SCAF1: variants seen among roughly 807,000 people sequenced by gnomAD.
The protein encoded by SCAF1 is SR-related CTD associated factor 1, also known as splicing factor, arginine/serine-rich 19.
A neutral mutation model predicts 91.2 loss-of-function variants in SCAF1; 28 were observed. The ratio of observed to expected loss-of-function variants is 0.31; its 90% confidence interval spans 0.23 to 0.42. The LOEUF is 0.42. Among genes scored for constraint, SCAF1 ranks in the 10% least tolerant of loss-of-function variants. The pLI is 1.00. For missense variants in SCAF1, 1,893 were observed against 1,872.1 expected (o/e 1.01, Z -0.21); for synonymous variants, 1,036 against 833.7 (o/e 1.24, Z -4.18).
upstream of SCAF1, among the ~76,000 whole-genome samples, chr19:49,640,946 T>C (rs2122434505): frequency 6.6e-6 from 1 of 152,236 alleles, no homozygotes; most frequent in Non-Finnish European, 1.5e-5. Flanking sequence ...AGATGTGGAC[T>C]CCTGGGTCCT....
Position 49,646,384 on chromosome 19 carries a change from A to G in SCAF1, c.262-142A>G. ...GGCCTGAGCTTTGAGTGTTGATGGC[A>G]GTCAGGCTATAGGAATTAGATCCTC... On this transcript the variant is annotated intron_variant, in intron 4 of 10. Transcript: ENST00000360565. This position sits in a 1 kb window ranked among gnomAD's most constrained non-coding sequence, Gnocchi z 5.6. 1 of 844,338 alleles carries G rather than the reference A, an allele frequency of 1.2e-6. No homozygotes were observed. Among genetic ancestry groups the G allele is most frequent in the Non-Finnish European group, 1.9e-6 (1 of 530,022 alleles). The allele number at this position is 844,338 out of a possible 1,614,324, so 52.3% of individuals were successfully genotyped here. A position where few individuals can be genotyped will look rare whatever the true frequency, so the allele number is the denominator to read the frequency against.
chr19:49,656,732 A>G (rs1254197781), intron 9 of SCAF1, among the ~76,000 whole-genome samples: 1 of 151,818 alleles, frequency 6.6e-6, no homozygotes, highest in Non-Finnish European at 1.5e-5. Context: ...TTTTCATCCC[A>G]TGGCCATCCC....
chr19:49,646,617 G>A lies in SCAF1; in HGVS notation c.353G>A (p.Arg118Gln), dbSNP rs767842011. 4.3e-6 allele frequency: 7 copies of A among 1,614,104 alleles called. No individual in the cohort carries two copies. Among genetic ancestry groups the A allele is most frequent in the East Asian group, 2.2e-5 (1 of 44,880 alleles). The change falls in exon 5 of 11, where the codon CGG becomes CAG. Residue 118 changes from arginine to glutamine, a missense_variant. Arg to Gln is a conservative substitution (Grantham distance 43). Around this residue, in one of 5 missense-constraint regions of SCAF1, gnomAD observed 270 missense variants for 292.5 expected, o/e 0.92. Coordinates refer to ENST00000360565, the MANE Select transcript of SCAF1 (RefSeq NM_021228.3). This position sits in a 1 kb window ranked among gnomAD's most constrained non-coding sequence, Gnocchi z 5.6. ...DTWVPSRLDL[R>Q]PGESEDMLEL... ...TGGGTTCCCAGCCGCCTGGACCTGC[G>A]GCCTGGCGAGTGAGTAGCTGGGCAG...
chr19:49,646,257 A>C lies in SCAF1; in HGVS notation c.261+55A>C. The C allele has an allele frequency of 9.0e-6, 7 of 780,378 alleles. No homozygotes were observed. Among genetic ancestry groups the C allele is most frequent in the Non-Finnish European group, 1.2e-5 (6 of 518,022 alleles). 48.3% of individuals were successfully genotyped at this position (780,378 alleles called of 1,614,324 possible). On this transcript the variant is annotated intron_variant, in intron 4 of 10. Coordinates refer to ENST00000360565, the MANE Select transcript of SCAF1 (RefSeq NM_021228.3). The surrounding 1 kb of genome is among the most constrained non-coding windows in gnomAD (Gnocchi z 5.6). ...GCTCACGGGTATCAGGGAGGAAGGGATGGGGGCCTGAGTCTGGGGGAATGG... is the reference window on the plus strand; with the variant it reads ...GCTCACGGGTATCAGGGAGGAAGGGCTGGGGGCCTGAGTCTGGGGGAATGG...
chr19:49,656,244 G>A (rs932860322), intron 9 of SCAF1, among the ~76,000 whole-genome samples: 1 of 152,154 alleles, frequency 6.6e-6, no homozygotes, highest in Non-Finnish European at 1.5e-5. Context: ...CATCCGAGAT[G>A]GGTGTTGGGG....
In SCAF1 at chr19:49,651,610, G is replaced by C. The variant is rs2081090662; in HGVS notation, c.1221G>C (p.Leu407=). ...CGGAGGAGGAGCCCAGGCTGGCGCTGTCCCTCTTCCGCCCCGGCGGCCGGG... is the reference window on the plus strand; with the variant it reads ...CGGAGGAGGAGCCCAGGCTGGCGCTCTCCCTCTTCCGCCCCGGCGGCCGGG... ...VQPEEEPRLA[L]SLFRPGGRAA... The change falls in exon 7 of 11, where the codon CTG becomes CTC. Residue 407 remains leucine (L), a synonymous_variant. Coordinates refer to ENST00000360565, the MANE Select transcript of SCAF1 (RefSeq NM_021228.3). 6.7e-7 allele frequency: 1 copy of C among 1,499,912 alleles called. No homozygotes were observed. Among genetic ancestry groups the C allele is most frequent in the Non-Finnish European group, 8.9e-7 (1 of 1,126,310 alleles). 92.9% of individuals were successfully genotyped at this position (1,499,912 alleles called of 1,614,324 possible). A position where few individuals can be genotyped will look rare whatever the true frequency, so the allele number is the denominator to read the frequency against.
intron 6 of SCAF1, among the ~76,000 whole-genome samples, chr19:49,647,181 C>T (rs1473321838): frequency 6.6e-6 from 1 of 152,224 alleles, no homozygotes; most frequent in South Asian, 2.1e-4. Context: ...GGGCGCACAG[C>T]CAGATGCTCC....
chr19:49,640,974 G>T (rs542994128), upstream of SCAF1, among the ~76,000 whole-genome samples: 10 of 152,154 alleles, frequency 6.6e-5, no homozygotes, highest in Non-Finnish European at 1.2e-4. Context: ...AGGGTGTCAG[G>T]GAGGAAGGTA....
At position 49,646,282 on chromosome 19, in the gene SCAF1, G is replaced by C; in HGVS notation, c.261+80G>C. On this transcript the variant is annotated intron_variant, in intron 4 of 10. Coordinates refer to ENST00000360565, the MANE Select transcript of SCAF1 (RefSeq NM_021228.3). The surrounding 1 kb of genome is among the most constrained non-coding windows in gnomAD (Gnocchi z 5.6). ...ATGGGGGCCTGAGTCTGGGGGAATG[G>C]GGTTTGGGGACCTGGACTCCTGGCT... The C allele has an allele frequency of 8.3e-7, 1 of 1,210,032 alleles. No homozygotes were observed. The highest frequency in any genetic ancestry group is 1.2e-6 in the Non-Finnish European group (1 of 862,162). The allele number at this position is 1,210,032 out of a possible 1,614,324, so 75.0% of individuals were successfully genotyped here.
At chr19:49,653,735 G>A in intron 7 of SCAF1, 30 bp downstream of exon 7, 1 of 1,485,356 alleles carries the variant, frequency 6.7e-7, no homozygotes, top group Non-Finnish European at 8.9e-7. Context: ...GGGTGGTGCT[G>A]GGGCAGGTGA....
chr19:49,650,792 C>T, intron 6 of SCAF1, 76 bp from the exon 7 acceptor site: 2 of 1,228,826 alleles, frequency 1.6e-6, no homozygotes, highest in Non-Finnish European at 2.3e-6. Context: ...AGGGAGTGTC[C>T]ACGGCTGGGC....
At chr19:49,647,588 C>T (rs774224876) in intron 6 of SCAF1, among the ~76,000 whole-genome samples, 3 of 152,174 alleles carry the variant, frequency 2.0e-5, no homozygotes, top group African/African-American at 2.4e-5. Context: ...AGCTGTGAGC[C>T]GTGAGCACCA....
chr19:49,649,860 T>C (rs915876777), intron 6 of SCAF1, among the ~76,000 whole-genome samples: 1 of 152,228 alleles, frequency 6.6e-6, no homozygotes, highest in Non-Finnish European at 1.5e-5. Context: ...GTAAGACACA[T>C]TGATCCACTT....
Position 49,651,054 on chromosome 19 carries a change from C to A in SCAF1, c.665C>A (p.Ala222Asp). Residue 222 changes from alanine (A) to aspartate (D), a missense_variant, in exon 7 of 11, where the codon GCC becomes GAC. Coordinates refer to ENST00000360565, the MANE Select transcript of SCAF1 (RefSeq NM_021228.3). ...PPPPAPPAPP[A>D]PRFDIYDPFH... Reference sequence around the variant, plus strand: ...CCCCCTGCACCCCCAGCCCCACCTGCCCCCCGATTCGATATCTATGACCCC... The same window carrying A: ...CCCCCTGCACCCCCAGCCCCACCTGACCCCCGATTCGATATCTATGACCCC... The A allele has an allele frequency of 1.4e-6, 2 of 1,442,748 alleles. No homozygotes were observed. The highest frequency in any genetic ancestry group is 2.4e-5 in the East Asian group (1 of 41,606). 89.4% of individuals were successfully genotyped at this position (1,442,748 alleles called of 1,614,324 possible). A position where few individuals can be genotyped will look rare whatever the true frequency, so the allele number is the denominator to read the frequency against.
intron 1 of SCAF1, among the ~76,000 whole-genome samples, chr19:49,644,389 G>A (rs1295022807): frequency 6.6e-6 from 1 of 152,164 alleles, no homozygotes; most frequent in Non-Finnish European, 1.5e-5. Flanking sequence ...TTTTCCTTCG[G>A]CATGTCTTTC....
In SCAF1 at chr19:49,652,120, C is replaced by CTCCCGA; in HGVS notation, c.1736_1737insATCCCG (p.Arg581_Ser582dup). 8.9e-7 allele frequency: 1 copy of CTCCCGA among 1,121,982 alleles called. No individual in the cohort carries two copies. The highest frequency in any genetic ancestry group is 1.1e-6 in the Non-Finnish European group (1 of 910,436). 69.5% of individuals were successfully genotyped at this position (1,121,982 alleles called of 1,614,324 possible). Reference sequence around the variant, plus strand: ...CCGCCCGCCGCCGCTCCCGCTCCCGCTCCCGCTCCCGCTCCACCCGCCGCC... The same window carrying CTCCCGA: ...CCGCCCGCCGCCGCTCCCGCTCCCGCTCCCGATCCCGCTCCCGCTCCACCCGCCGCC... On this transcript the variant is annotated inframe_insertion, in exon 7 of 11. Coordinates refer to ENST00000360565, the MANE Select transcript of SCAF1 (RefSeq NM_021228.3).
chr19:49,654,987 T>G, intron 9 of SCAF1, 117 bp downstream of exon 9: 4 of 802,138 alleles, frequency 5.0e-6, no homozygotes, highest in Non-Finnish European at 5.7e-6. Context: ...GACAGGGCCG[T>G]AGAGACCAAA....
intron 6 of SCAF1, among the ~76,000 whole-genome samples, chr19:49,649,394 C>A (rs2081073029): frequency 1.3e-5 from 2 of 152,188 alleles, no homozygotes; most frequent in Admixed American, 6.5e-5. Context: ...CTCATCTATT[C>A]CTCCGCTTAT....
rs573332161 is a variant in SCAF1, at chr19:49,654,633, C to T, written c.3400-19C>T. 4.1e-5 allele frequency: 65 copies of T among 1,596,876 alleles called. No homozygotes were observed. The South Asian group carries it at 6.8e-4, about 17-fold the overall frequency. ...CTCCACCTCCCTTTACTCATCACCC[C>T]TCTGTCCTCGTCCCACAGATCCTCA... On this transcript the variant is annotated intron_variant, in intron 8 of 10. Transcript: ENST00000360565.
Sources: allele counts gnomAD v4.1 joint callset (sites outside exome capture counted in the v4.1 genomes callset), GRCh38; gene constraint gnomAD v4.1.1; regional missense constraint gnomAD v4.1.1; non-coding constraint Gnocchi (gnomAD v3.1); transcripts MANE v1.5; gene names NCBI Gene and HGNC (gene_info 2026-07-23, HGNC 2026-07-21).